Variants in PXK observed in about 807,000 individuals in gnomAD.
The protein encoded by PXK is PX domain-containing protein kinase-like protein.
A neutral mutation model predicts 84.7 loss-of-function variants in PXK; 35 were observed. The observed-to-expected ratio is 0.41, with a 90% CI of 0.32 to 0.55. PXK has a LOEUF of 0.55. PXK is among the 20% of genes least tolerant of loss of function. PXK has a pLI of 0.21. For missense variants in PXK, 634 were observed against 699.7 expected (o/e 0.91, Z 1.06); for synonymous variants, 253 against 260.8 (o/e 0.97, Z 0.29).
chr3:58,340,178 T>C (rs112145385), intron 1 of PXK, among the ~76,000 whole-genome samples: 3,701 of 149,602 alleles, frequency 0.025, 159 homozygotes, highest in African/African-American at 0.086. Flanking sequence ...TGGAGGGCAG[T>C]GTGGAGTAAT....
In PXK at chr3:58,378,492, CTTT is replaced by C. The variant is rs1159247642; in HGVS notation, c.202-4003_202-4001del. Among the ~76,000 whole-genome samples the C allele has an allele frequency of 2.1e-3, 52 of 24,314 alleles. 3 individuals carry two copies. The highest frequency in any genetic ancestry group is 6.7e-3 in the South Asian group (4 of 598). The allele number at this position is 24,314 out of a possible 152,430, so 16.0% of individuals were successfully genotyped here. ...ATTGGATTTGGACTTCATTTTTCTT[CTTT>C]TTTTTTTTTTTTTTTTTTGTGTGTG... On this transcript the variant is annotated intron_variant, in intron 3 of 17. Coordinates refer to ENST00000356151, the MANE Select transcript of PXK (RefSeq NM_017771.5).
chr3:58,384,364 C>A (rs1016590859), intron 4 of PXK, among the ~76,000 whole-genome samples: 10 of 152,180 alleles, frequency 6.6e-5, no homozygotes, highest in Admixed American at 3.3e-4. Context: ...CTCTACAGGG[C>A]TAAGGAAAAT....
chr3:58,425,297 A>G lies in PXK; in HGVS notation c.*337A>G, dbSNP rs1034910045. 1 of 275,838 alleles carries G rather than the reference A, an allele frequency of 3.6e-6. No homozygotes were observed. The highest frequency in any genetic ancestry group is 2.2e-5 in the African/African-American group (1 of 44,828). The allele number at this position is 275,838 out of a possible 1,614,324, so 17.1% of individuals were successfully genotyped here. A position where few individuals can be genotyped will look rare whatever the true frequency, so the allele number is the denominator to read the frequency against. The stretch of plus-strand genomic sequence containing the variant: ...AGAAAAACAATGACAATATTCAATC[A>G]CAGCAGTAAATGGCCTTTGTGTTGC... On this transcript the variant is annotated 3_prime_UTR_variant, in exon 18 of 18. Coordinates refer to ENST00000356151, the MANE Select transcript of PXK (RefSeq NM_017771.5).
Position 58,420,773 on chromosome 3 carries a change from A to G in PXK, c.1529-3979A>G, listed in dbSNP as rs548148373. On this transcript the variant is annotated intron_variant, in intron 17 of 17. Coordinates refer to ENST00000356151, the MANE Select transcript of PXK (RefSeq NM_017771.5). ...CATCTATATTCATTTCATTTTCATC[A>G]TGACCTTCAAAATCTTCATTTTCAC... 57 of 1,376,426 alleles carry G rather than the reference A, an allele frequency of 4.1e-5. No individual in the cohort carries two copies. The Middle Eastern group carries it at 1.2e-3, about 28-fold the overall frequency. The allele number at this position is 1,376,426 out of a possible 1,614,324, so 85.3% of individuals were successfully genotyped here. A position where few individuals can be genotyped will look rare whatever the true frequency, so the allele number is the denominator to read the frequency against.
chr3:58,394,787 C>T (rs2057373564), intron 7 of PXK, among the ~76,000 whole-genome samples: 1 of 152,180 alleles, frequency 6.6e-6, no homozygotes, highest in African/African-American at 2.4e-5. Flanking sequence ...TTCCTTTGTT[C>T]CTACAGTTTA....
At chr3:58,418,820 GGAGA>G (rs2061384708) in intron 17 of PXK, among the ~76,000 whole-genome samples, 1 of 152,068 alleles carries the variant, frequency 6.6e-6, no homozygotes, top group Admixed American at 6.5e-5. Flanking sequence ...AAGAATGAGT[GGAGA>G]GAAAGGGAAG....
chr3:58,337,857 T>C (rs2097651211), intron 1 of PXK, among the ~76,000 whole-genome samples: 1 of 152,180 alleles, frequency 6.6e-6, no homozygotes, highest in Non-Finnish European at 1.5e-5. Flanking sequence ...ACCCGACCCT[T>C]TTTATAGACT....
rs2098523683 is a variant in PXK, at chr3:58,383,419, T to C, written c.388+719T>C. On this transcript the variant is annotated intron_variant, in intron 4 of 17. Transcript: ENST00000356151. The surrounding 1 kb of genome is among the most constrained non-coding windows in gnomAD (Gnocchi z 4.0). ...TCTGATTTGTATTTGGCTCTGTTTT[T>C]GTATTTACAATATGTTGTGTGTTCT... is the stretch of plus-strand genomic sequence containing the variant. 6.6e-6 allele frequency among the ~76,000 whole-genome samples: 1 copy of C among 152,240 alleles called. No individual in the cohort carries two copies. Among genetic ancestry groups the C allele is most frequent in the African/African-American group, 2.4e-5 (1 of 41,468 alleles).
At chr3:58,343,382 C>T (rs997487528) in intron 1 of PXK, among the ~76,000 whole-genome samples, 11 of 152,248 alleles carry the variant, frequency 7.2e-5, no homozygotes, top group African/African-American at 2.4e-4. Flanking sequence ...GAGTGTCACA[C>T]TGCCATGCTG....
In PXK at chr3:58,400,951, A is replaced by G. The variant is rs2058470986; in HGVS notation, c.1181+1574A>G. Reference sequence around the variant, plus strand: ...AAACAATGTGAATATGGAAAAACAGACCCAGTTTGGAAAACAACTTTCACA... The same window carrying G: ...AAACAATGTGAATATGGAAAAACAGGCCCAGTTTGGAAAACAACTTTCACA... On this transcript the variant is annotated intron_variant, in intron 12 of 17. Transcript: ENST00000356151. The surrounding 1 kb of genome is among the most constrained non-coding windows in gnomAD (Gnocchi z 4.0). 6.6e-6 allele frequency among the ~76,000 whole-genome samples: 1 copy of G among 152,126 alleles called. No individual in the cohort carries two copies. The highest frequency in any genetic ancestry group is 1.5e-5 in the Non-Finnish European group (1 of 68,022).
At chr3:58,380,302 G>A (rs912479604) in intron 3 of PXK, among the ~76,000 whole-genome samples, 4 of 151,954 alleles carry the variant, frequency 2.6e-5, no homozygotes, top group South Asian at 2.1e-4. Context: ...GTGTGGTGGC[G>A]TGCACCTGTA....
At position 58,333,102 on chromosome 3, in the gene PXK, A is replaced by AGCGGGCGG. The variant is rs771296548; in HGVS notation, c.102+21_102+28dup. 2.6e-6 allele frequency: 3 copies of AGCGGGCGG among 1,154,530 alleles called. No individual in the cohort carries two copies. The highest frequency in any genetic ancestry group is 3.2e-6 in the Non-Finnish European group (3 of 933,298). The allele number at this position is 1,154,530 out of a possible 1,614,324, so 71.5% of individuals were successfully genotyped here. A position where few individuals can be genotyped will look rare whatever the true frequency, so the allele number is the denominator to read the frequency against. On this transcript the variant is annotated intron_variant, in intron 1 of 17. Transcript: ENST00000356151. The surrounding 1 kb of genome is among the most constrained non-coding windows in gnomAD (Gnocchi z 5.4). ...TGCAGTCCCACACGGTGCGCGGCCC[A>AGCGGGCGG]GCGGGCGGGCGGGCGGCGTGGGGCG...
At chr3:58,340,030 C>G (rs540777536) in intron 1 of PXK, among the ~76,000 whole-genome samples, 160 of 151,788 alleles carry the variant, frequency 1.1e-3, no homozygotes, top group African/African-American at 3.7e-3. Flanking sequence ...GTTGGCCCGG[C>G]TGGTCTTGAA....
chr3:58,333,369 T>C lies in PXK; in HGVS notation c.102+279T>C, dbSNP rs1408125914. ...CGGCGACCAGGAAAGCGACTCCGAGTTGGGGGGCGGGGGCGGGGGCTGCGG... is the reference window on the plus strand; with the variant it reads ...CGGCGACCAGGAAAGCGACTCCGAGCTGGGGGGCGGGGGCGGGGGCTGCGG... On this transcript the variant is annotated intron_variant, in intron 1 of 17. Transcript: ENST00000356151. This position sits in a 1 kb window ranked among gnomAD's most constrained non-coding sequence, Gnocchi z 5.4. 4 of 283,810 alleles carry C rather than the reference T, an allele frequency of 1.4e-5. No individual in the cohort carries two copies. The highest frequency in any genetic ancestry group is 8.1e-5 in the Admixed American group (2 of 24,812). 17.6% of individuals were successfully genotyped at this position (283,810 alleles called of 1,614,324 possible).
rs143089479 is a variant in PXK, at chr3:58,369,456, A to C, written c.179A>C (p.Asp60Ala). Reference protein sequence around the residue: ...WQIVRRYSDFDLLNNSLQIAG... With the variant: ...WQIVRRYSDFALLNNSLQIAG... ...ATTGTTAGAAGATACAGTGACTTTG[A>C]TTTGCTTAACAACAGCTTACAGGTA... The change falls in exon 3 of 18, where the codon GAT becomes GCT. Residue 60 changes from aspartate (D) to alanine (A), a missense_variant. By Grantham distance (126) the Asp-to-Ala change is moderately radical. Transcript: ENST00000356151. 1,129 of 1,610,542 alleles carry C rather than the reference A, an allele frequency of 7.0e-4. 7 individuals are homozygous for C. Among genetic ancestry groups the C allele is most frequent in the Non-Finnish European group, 1.1e-4 (130 of 1,176,998 alleles).
At chr3:58,391,026 G>C in intron 5 of PXK, 121 bp from the exon 6 acceptor site, 1 of 680,018 alleles carries the variant, frequency 1.5e-6, no homozygotes, top group Non-Finnish European at 2.6e-6. Context: ...TCTTTTACTT[G>C]TGCCTATGTA....
chr3:58,369,157 CT>C (rs2098325517), intron 2 of PXK, among the ~76,000 whole-genome samples: 2 of 152,158 alleles, frequency 1.3e-5, no homozygotes, highest in Non-Finnish European at 2.9e-5. Flanking sequence ...GCTGTTTGCC[CT>C]GAAAACAAAT....
intron 3 of PXK, among the ~76,000 whole-genome samples, chr3:58,373,710 T>G (rs2098409003): frequency 6.6e-6 from 1 of 152,148 alleles, no homozygotes; most frequent in Non-Finnish European, 1.5e-5. Flanking sequence ...CCTTTGTATG[T>G]TCTGTTTCCT....
intron 4 of PXK, among the ~76,000 whole-genome samples, chr3:58,386,457 G>T (rs948938665): frequency 6.6e-6 from 1 of 151,546 alleles, no homozygotes; most frequent in African/African-American, 2.4e-5. Context: ...ACCATGCCAA[G>T]CTAATTTTTT....
Sources: gnomAD v4.1 joint callset for allele counts (sites outside exome capture counted in the v4.1 genomes callset) on GRCh38, gnomAD v4.1.1 for gene constraint, Gnocchi (gnomAD v3.1) non-coding constraint, MANE v1.5 for transcripts, NCBI Gene and HGNC (gene_info 2026-07-23, HGNC 2026-07-21) for gene names.